Variants in COG5 observed in about 807,000 individuals in gnomAD.
The protein encoded by COG5 is component of oligomeric golgi complex 5.
COG5 carries 86 observed loss-of-function variants against 110.4 expected under a neutral mutation model. The ratio of observed to expected loss-of-function variants is 0.78; its 90% CI spans 0.65 to 0.93. The LOEUF (loss-of-function observed/expected upper bound fraction) is 0.93, where lower values mean the gene tolerates loss of function less well. Ranked by LOEUF, COG5 falls within the 40% of genes least tolerant of loss-of-function variation. The probability of loss-of-function intolerance (pLI) is 0.00; values close to 1 mark genes in which losing one functional copy is unlikely to be tolerated. For missense variants in COG5, 1,077 were observed against 987.0 expected (o/e 1.09, Z -1.22); for synonymous variants, 360 against 334.6 (o/e 1.08, Z -0.83).
chr7:107,390,006 G>A (rs1790504010), intron 7 of COG5, among the ~76,000 whole-genome samples: 1 of 152,078 alleles, frequency 6.6e-6, no homozygotes, highest in Non-Finnish European at 1.5e-5. Flanking sequence ...TTGTGACCCG[G>A]GTGCAAGAAC....
At chr7:107,522,852 A>G (rs928977267) in intron 6 of COG5, among the ~76,000 whole-genome samples, 6 of 152,172 alleles carry the variant, frequency 3.9e-5, no homozygotes, top group Non-Finnish European at 8.8e-5. Context: ...TTGTTCATAT[A>G]TATGTGGGTC....
intron 6 of COG5, among the ~76,000 whole-genome samples, chr7:107,517,984 C>A (rs1800057767): frequency 6.6e-6 from 1 of 152,140 alleles, no homozygotes; most frequent in African/African-American, 2.4e-5. Flanking sequence ...GCATGAGTCA[C>A]TGCGCCTGGC....
Position 107,298,278 on chromosome 7 carries a change from A to C in COG5, c.1177T>G (p.Trp393Gly). 6.2e-7 allele frequency: 1 copy of C among 1,613,734 alleles called. No homozygotes were observed. The highest frequency in any genetic ancestry group is 1.1e-5 in the South Asian group (1 of 91,068). ...PKLLRLYNDL[W>G]KRLQQYSQHI... Reference sequence around the variant, plus strand: ...TGACTGTATTGTTGAAGACGCTTCCATAAGTCATTATAAAGACGTAATAAT... The same window carrying C: ...TGACTGTATTGTTGAAGACGCTTCCCTAAGTCATTATAAAGACGTAATAAT... Residue 393 changes from tryptophan (W) to glycine (G), a missense_variant, in exon 12 of 22, where the codon TGG becomes GGG. By Grantham distance (184) the Trp-to-Gly change is radical (BLOSUM62 -2). Transcript: ENST00000297135.
chr7:107,383,943 G>A (rs762325517), intron 7 of COG5, among the ~76,000 whole-genome samples: 1 of 152,136 alleles, frequency 6.6e-6, no homozygotes, highest in African/African-American at 2.4e-5. Context: ...GATCCCAGAA[G>A]CCCAACATAC....
At chr7:107,446,913 A>G (rs372084122) in intron 6 of COG5, among the ~76,000 whole-genome samples, 209 of 152,316 alleles carry the variant, frequency 1.4e-3, no homozygotes, top group African/African-American at 4.1e-3. Context: ...GCTCTACACA[A>G]TACAATTTAC....
At chr7:107,389,798 AC>A (rs1306784336) in intron 7 of COG5, among the ~76,000 whole-genome samples, 3 of 151,938 alleles carry the variant, frequency 2.0e-5, no homozygotes, top group Non-Finnish European at 4.4e-5. Flanking sequence ...AGTCCATGCC[AC>A]CCCCAAGACA....
intron 12 of COG5, among the ~76,000 whole-genome samples, chr7:107,291,367 C>A (rs1455188634): frequency 6.6e-6 from 1 of 152,184 alleles, no homozygotes; most frequent in Non-Finnish European, 1.5e-5. Context: ...TGAGCCACCA[C>A]AACCAGCCAA....
chr7:107,434,638 A>C (rs1170925832), intron 6 of COG5, among the ~76,000 whole-genome samples: 2 of 152,168 alleles, frequency 1.3e-5, no homozygotes, highest in African/African-American at 4.8e-5. Flanking sequence ...GAAAAAGAAA[A>C]TGTGGCATTA....
Position 107,378,584 on chromosome 7 carries a change from C to A in COG5, c.670-5824G>T, listed in dbSNP as rs114749753. 6.2e-3 allele frequency among the ~76,000 whole-genome samples: 951 copies of A among 152,230 alleles called. 15 individuals carry two copies. Among genetic ancestry groups the A allele is most frequent in the African/African-American group, 0.022 (905 of 41,516 alleles). ...CAATTTAGAGAAGAACATAAATGAA[C>A]CTGATTGAGCTGAAAAACACAGCAC... On this transcript the variant is annotated intron_variant, in intron 7 of 21. Transcript: ENST00000297135.
At chr7:107,341,184 G>A (rs899431618) in intron 10 of COG5, among the ~76,000 whole-genome samples, 3 of 152,038 alleles carry the variant, frequency 2.0e-5, no homozygotes, top group African/African-American at 7.2e-5. Flanking sequence ...AAAGTTTCAG[G>A]AAACAAAACC....
chr7:107,211,311 G>A, intron 19 of COG5, 86 bp from the exon 20 acceptor site: 2 of 1,471,638 alleles, frequency 1.4e-6, no homozygotes, highest in East Asian at 2.3e-5. Context: ...TTGTAGAATA[G>A]CATTTTTCCT....
In COG5 at chr7:107,261,874, A is replaced by T. The variant is rs191008793; in HGVS notation, c.1576-3491T>A. 1.7e-4 allele frequency among the ~76,000 whole-genome samples: 25 copies of T among 151,410 alleles called. No homozygotes were observed. In the East Asian group the frequency reaches 4.7e-3, roughly 28 times the overall value. On this transcript the variant is annotated intron_variant, in intron 14 of 21. Transcript: ENST00000297135. ...ATTTCTGTAAGTACACAGTAGGTAG[A>T]TATATTTATGCTTCTCTTTGATTTT... is the stretch of plus-strand genomic sequence containing the variant.
chr7:107,389,280 C>T lies in COG5; in HGVS notation c.670-16520G>A, dbSNP rs373680902. On this transcript the variant is annotated intron_variant, in intron 7 of 21. Coordinates refer to ENST00000297135, the MANE Select transcript of COG5 (RefSeq NM_006348.5). The stretch of plus-strand genomic sequence containing the variant: ...CAGATAGCCTATAATAACGTGACTG[C>T]TTGGCTAGGAGGGATAGATTTACCC... Among the ~76,000 whole-genome samples, 27 of 150,110 alleles carry T rather than the reference C, an allele frequency of 1.8e-4. 1 individual carries two copies. In the South Asian group the frequency reaches 5.6e-3, roughly 31 times the overall value.
chr7:107,304,135 C>T (rs1285095254), intron 11 of COG5, among the ~76,000 whole-genome samples: 5 of 152,080 alleles, frequency 3.3e-5, no homozygotes, highest in African/African-American at 1.2e-4. Flanking sequence ...TGATTTTATT[C>T]CCCTATCTTT....
chr7:107,388,451 C>T (rs1433741732), intron 7 of COG5, among the ~76,000 whole-genome samples: 2 of 152,272 alleles, frequency 1.3e-5, no homozygotes, highest in East Asian at 1.9e-4. Flanking sequence ...CATGGCACAT[C>T]GAACATTCCA....
At chr7:107,330,759 T>C (rs778676042) in intron 10 of COG5, among the ~76,000 whole-genome samples, 4 of 152,106 alleles carry the variant, frequency 2.6e-5, no homozygotes, top group East Asian at 3.9e-4. Flanking sequence ...ATGTAAATAG[T>C]AGAAATAATA....
chr7:107,517,277 T>C (rs1275428758), intron 6 of COG5, among the ~76,000 whole-genome samples: 2 of 151,064 alleles, frequency 1.3e-5, no homozygotes, highest in East Asian at 1.9e-4. Context: ...AAATAAGGCA[T>C]ACAGACAAGA....
At chr7:107,427,836 T>C (rs928115518) in intron 6 of COG5, among the ~76,000 whole-genome samples, 2 of 151,778 alleles carry the variant, frequency 1.3e-5, no homozygotes, top group African/African-American at 4.8e-5. Context: ...ACACTGACCA[T>C]CAAGGGTTGA....
chr7:107,204,135 T>C (rs1798574180), intron 21 of COG5, among the ~76,000 whole-genome samples: 1 of 152,226 alleles, frequency 6.6e-6, no homozygotes, highest in South Asian at 2.1e-4. Flanking sequence ...ATAAGTGCTC[T>C]TGGGCTGTAA....
Sources: allele counts gnomAD v4.1 joint callset (sites outside exome capture counted in the v4.1 genomes callset), GRCh38; gene constraint gnomAD v4.1.1; transcripts MANE v1.5; gene names NCBI Gene and HGNC (gene_info 2026-07-23, HGNC 2026-07-21).